GABRB2: variants seen among roughly 807,000 people sequenced by gnomAD.
GABRB2 encodes the protein gamma-aminobutyric acid type A receptor subunit beta2.
GABRB2 carries 16 observed loss-of-function variants against 54.7 expected under a neutral mutation model. The observed-to-expected ratio is 0.29, with a 90% CI of 0.20 to 0.44. The LOEUF (loss-of-function observed/expected upper bound fraction) is 0.44. Among genes scored for constraint, GABRB2 ranks in the 20% least tolerant of loss-of-function variants. The pLI is 1.00. For synonymous variants in GABRB2, 244 were observed against 233.8 expected (o/e 1.04, Z -0.40); for missense variants, 355 against 644.0 (o/e 0.55, Z 4.86).
intron 9 of GABRB2, among the ~76,000 whole-genome samples, chr5:161,300,406 C>G (rs252959): frequency 0.42 from 63,668 of 152,042 alleles, 16,063 homozygotes; most frequent in African/African-American, 0.7. Context: ...GAACAGGATA[C>G]ATTCCCATTT....
intron 3 of GABRB2, 119 bp downstream of exon 3, chr5:161,545,108 C>G: frequency 1.6e-6 from 1 of 611,916 alleles, no homozygotes. Context: ...ATTCCATGCT[C>G]TCACCCCCAC....
intron 3 of GABRB2, among the ~76,000 whole-genome samples, chr5:161,469,059 T>C (rs373471656): frequency 6.4e-4 from 97 of 151,996 alleles, no homozygotes; most frequent in African/African-American, 2.2e-3. Flanking sequence ...TTGGGAAACA[T>C]ACATATAGAT....
At chr5:161,330,002 T>G (rs189477917) in intron 8 of GABRB2, 3 of 152,196 alleles carry the variant, frequency 2.0e-5, no homozygotes, top group Non-Finnish European at 4.4e-5. Flanking sequence ...CAAATTTGGA[T>G]GCAGATTAGA....
At chr5:161,366,681 C>A (rs531749040) in intron 5 of GABRB2, among the ~76,000 whole-genome samples, 5 of 152,164 alleles carry the variant, frequency 3.3e-5, no homozygotes, top group African/African-American at 9.7e-5. Flanking sequence ...CGTGATGGCT[C>A]ACGCCTGTAA....
At chr5:161,400,130 C>A (rs957697505) in intron 5 of GABRB2, among the ~76,000 whole-genome samples, 3 of 152,168 alleles carry the variant, frequency 2.0e-5, no homozygotes, top group African/African-American at 7.2e-5. Flanking sequence ...AAAAGTCAGT[C>A]TGTGTTGCAG....
chr5:161,530,950 C>T (rs904840817), intron 3 of GABRB2, among the ~76,000 whole-genome samples: 13 of 152,032 alleles, frequency 8.6e-5, no homozygotes, highest in Non-Finnish European at 1.9e-4. Context: ...GAATGGTGCA[C>T]CCAGCTGATC....
rs1581002576 is a variant in GABRB2 at position 161,457,681 on chromosome 5, C to T, written c.458+1943G>A. ...CAGGATGGTCTTGATCTCCTGACCT[C>T]GTGATCCGCCTGTTTTGGCCTCCCA... On this transcript the variant is annotated intron_variant, in intron 4 of 9. Transcript: ENST00000393959. Among the ~76,000 whole-genome samples the T allele has an allele frequency of 2.6e-5, 4 of 152,130 alleles. No homozygotes were observed. The South Asian group carries it at 6.2e-4, about 24-fold the overall frequency.
chr5:161,436,966 C>T (rs1377803624), intron 4 of GABRB2, among the ~76,000 whole-genome samples: 1 of 152,056 alleles, frequency 6.6e-6, no homozygotes, highest in Non-Finnish European at 1.5e-5. Context: ...AGGGGAATCA[C>T]GGATCCCAGC....
chr5:161,296,353 A>T (rs1012446121), intron 9 of GABRB2, among the ~76,000 whole-genome samples: 1 of 152,160 alleles, frequency 6.6e-6, no homozygotes, highest in African/African-American at 2.4e-5. Context: ...ACCATGCATG[A>T]TGTTGTTCAG....
chr5:161,441,506 G>A (rs1396871214), intron 4 of GABRB2, among the ~76,000 whole-genome samples: 2 of 152,122 alleles, frequency 1.3e-5, no homozygotes, highest in Non-Finnish European at 1.5e-5. Context: ...ACTGCTAGTG[G>A]GAATGTAAAT....
chr5:161,423,153 G>A lies in GABRB2; in HGVS notation c.459-12096C>T, dbSNP rs192050197. Among the ~76,000 whole-genome samples the A allele has an allele frequency of 5.3e-5, 8 of 152,194 alleles. No individual in the cohort carries two copies. In the East Asian group the frequency reaches 1.5e-3, roughly 29 times the overall value. Reference sequence around the variant, plus strand: ...AGGTTGTTTTTGTGTGTGTGTGTCTGAGGGGTGTTTCTCTTTTGCTTAGTG... The same window carrying A: ...AGGTTGTTTTTGTGTGTGTGTGTCTAAGGGGTGTTTCTCTTTTGCTTAGTG... On this transcript the variant is annotated intron_variant, in intron 4 of 9. Coordinates refer to ENST00000393959, the MANE Select transcript of GABRB2 (RefSeq NM_001371727.1).
At chr5:161,323,027 CT>C (rs397882556) in intron 9 of GABRB2, among the ~76,000 whole-genome samples, 351 of 140,888 alleles carry the variant, frequency 2.5e-3, no homozygotes, top group Middle Eastern at 0.011. Flanking sequence ...TTGAAATATA[CT>C]TTTTTTTTTT....
chr5:161,358,443 G>A (rs560005483), intron 5 of GABRB2, among the ~76,000 whole-genome samples: 1 of 152,162 alleles, frequency 6.6e-6, no homozygotes, highest in Non-Finnish European at 1.5e-5. Flanking sequence ...GGAATAAGTG[G>A]CATGGTAGCT....
chr5:161,459,949 AT>A, intron 3 of GABRB2, 105 bp from the exon 4 acceptor site: 1 of 669,112 alleles, frequency 1.5e-6, no homozygotes, highest in Non-Finnish European at 2.4e-6. Flanking sequence ...TTTTTAATTT[AT>A]TTTTATTTTT....
chr5:161,347,998 G>A (rs1387840202), intron 5 of GABRB2, among the ~76,000 whole-genome samples: 1 of 152,006 alleles, frequency 6.6e-6, no homozygotes, highest in African/African-American at 2.4e-5. Context: ...CAAATCAGAA[G>A]TCCTACCTAG....
chr5:161,403,695 A>G (rs1000080806), intron 5 of GABRB2, among the ~76,000 whole-genome samples: 3 of 152,304 alleles, frequency 2.0e-5, no homozygotes, highest in Admixed American at 1.3e-4. Context: ...ACAAGTGACT[A>G]TGGAAAATGA....
At chr5:161,545,424 C>A in intron 2 of GABRB2, 130 bp from the exon 3 acceptor site, 5 of 391,696 alleles carry the variant, frequency 1.3e-5, no homozygotes, top group East Asian at 4.1e-5. Flanking sequence ...TTTCAATTCT[C>A]TGCTTTTTTT....
At chr5:161,525,117 T>C (rs532759749) in intron 3 of GABRB2, among the ~76,000 whole-genome samples, 1 of 151,364 alleles carries the variant, frequency 6.6e-6, no homozygotes, top group Admixed American at 6.6e-5. Flanking sequence ...CTCAATTCTG[T>C]GTTGGGAGTG....
At chr5:161,467,604 T>C (rs1376210763) in intron 3 of GABRB2, among the ~76,000 whole-genome samples, 2 of 152,098 alleles carry the variant, frequency 1.3e-5, no homozygotes, top group Non-Finnish European at 1.5e-5. Flanking sequence ...AGAAAAGTAT[T>C]TCAGTTTTTT....
Sources: allele counts gnomAD v4.1 joint callset (sites outside exome capture counted in the v4.1 genomes callset), GRCh38; gene constraint gnomAD v4.1.1; transcripts MANE v1.5; gene names NCBI Gene and HGNC (gene_info 2026-07-23, HGNC 2026-07-21).